NRXN3: variants seen among roughly 807,000 people sequenced by gnomAD.
NRXN3 encodes neurexin III.
In NRXN3, 32 loss-of-function variants were observed where a neutral mutation model predicts 137.6. The ratio of observed to expected loss-of-function variants is 0.23; its 90% confidence interval spans 0.18 to 0.31. The LOEUF (loss-of-function observed/expected upper bound fraction) is 0.31, where lower values mean the gene tolerates loss of function less well. NRXN3 is among the 10% of genes least tolerant of loss of function. The probability of loss-of-function intolerance (pLI) is 1.00; values close to 1 mark genes in which losing one functional copy is unlikely to be tolerated. For synonymous variants in NRXN3, 798 were observed against 784.5 expected (o/e 1.02, Z -0.29); for missense variants, 1,574 against 2,062.5 (o/e 0.76, Z 4.59).
At chr14:79,046,014 G>C (rs756244248) in intron 15 of NRXN3, among the ~76,000 whole-genome samples, 1 of 152,178 alleles carries the variant, frequency 6.6e-6, no homozygotes, top group African/African-American at 2.4e-5. Flanking sequence ...TGATGTGATT[G>C]TATGAATGTA....
chr14:78,808,929 A>G lies in NRXN3; in HGVS notation c.2249-1389A>G, dbSNP rs942244537. Among the ~76,000 whole-genome samples, 59 of 151,546 alleles carry G rather than the reference A, an allele frequency of 3.9e-4. 1 individual carries two copies. Among genetic ancestry groups the G allele is most frequent in the African/African-American group, 1.4e-3 (57 of 41,184 alleles). On this transcript the variant is annotated intron_variant, in intron 9 of 20. Transcript: ENST00000335750. ...CAGAAGAAGAGTACTTTGTGACTAT[A>G]TTTTCCCCTCTATCTTTCTTCCTTT...
chr14:78,514,277 G>T (rs1292832348), intron 4 of NRXN3, among the ~76,000 whole-genome samples: 1 of 152,098 alleles, frequency 6.6e-6, no homozygotes, highest in African/African-American at 2.4e-5. Context: ...GGAAACTAGA[G>T]AAAGAAAAAG....
chr14:79,335,908 C>T (rs2092223869), intron 15 of NRXN3, among the ~76,000 whole-genome samples: 1 of 152,042 alleles, frequency 6.6e-6, no homozygotes, highest in Non-Finnish European at 1.5e-5. Flanking sequence ...TGCCATTTAT[C>T]CCTTTTGTGC....
chr14:78,700,367 C>G (rs1055375891), intron 6 of NRXN3, among the ~76,000 whole-genome samples: 2 of 152,184 alleles, frequency 1.3e-5, no homozygotes, highest in Non-Finnish European at 2.9e-5. Context: ...TGAGAGGATT[C>G]TGAGGCTTCA....
chr14:79,147,941 G>A (rs1177190790), intron 15 of NRXN3, among the ~76,000 whole-genome samples: 1 of 152,088 alleles, frequency 6.6e-6, no homozygotes, highest in Non-Finnish European at 1.5e-5. Flanking sequence ...TAGGTGGATG[G>A]GGAGGTCTTT....
chr14:79,065,362 G>C (rs1396005434), intron 15 of NRXN3, among the ~76,000 whole-genome samples: 12 of 152,096 alleles, frequency 7.9e-5, no homozygotes. Context: ...TAAAGGCATG[G>C]AATAGACTGC....
In NRXN3 at chr14:79,162,697, C is replaced by A. The variant is rs141818448; in HGVS notation, c.3262+174556C>A. Among the ~76,000 whole-genome samples, 1,367 of 152,012 alleles carry A rather than the reference C, an allele frequency of 9.0e-3. 25 individuals carry two copies. Among genetic ancestry groups the A allele is most frequent in the African/African-American group, 0.031 (1,298 of 41,498 alleles). On this transcript the variant is annotated intron_variant, in intron 15 of 20. Coordinates refer to ENST00000335750, the MANE Select transcript of NRXN3 (RefSeq NM_001330195.2). ...TGGCAATCATTAAAAAGTCAGGAAA[C>A]AACAGGTGCTGGAGAAGATGTGGAG...
chr14:78,622,824 CA>C (rs2097419622), intron 4 of NRXN3, among the ~76,000 whole-genome samples: 1 of 152,190 alleles, frequency 6.6e-6, no homozygotes, highest in Non-Finnish European at 1.5e-5. Flanking sequence ...GTAAACTTTG[CA>C]AAGCAGAAGC....
At chr14:79,578,036 C>G (rs1394309896) in intron 16 of NRXN3, among the ~76,000 whole-genome samples, 1 of 152,186 alleles carries the variant, frequency 6.6e-6, no homozygotes, top group African/African-American at 2.4e-5. Flanking sequence ...AGTTTGAAAG[C>G]TTGCAGTCTG....
chr14:79,151,869 C>T (rs1189247531), intron 15 of NRXN3, among the ~76,000 whole-genome samples: 2 of 151,910 alleles, frequency 1.3e-5, no homozygotes, highest in East Asian at 1.9e-4. Flanking sequence ...ATTTTTAAGT[C>T]AATATACTTT....
intron 4 of NRXN3, among the ~76,000 whole-genome samples, chr14:78,625,214 AT>A: frequency 6.6e-6 from 1 of 152,322 alleles, no homozygotes; most frequent in Non-Finnish European, 1.5e-5. Flanking sequence ...TGAAGAATAC[AT>A]TTTTTTAAAA....
At chr14:78,700,147 G>T (rs923226317) in intron 6 of NRXN3, among the ~76,000 whole-genome samples, 1 of 152,194 alleles carries the variant, frequency 6.6e-6, no homozygotes. Flanking sequence ...GGCAGCAATT[G>T]TGTCTCATGG....
At chr14:78,249,190 TCTC>T (rs1004485005) in intron 2 of NRXN3, among the ~76,000 whole-genome samples, 5 of 152,152 alleles carry the variant, frequency 3.3e-5, no homozygotes, top group African/African-American at 1.2e-4. Flanking sequence ...AAAGCAGCCT[TCTC>T]CTTTTGCAGA....
chr14:79,819,895 C>T (rs1235964703), intron 20 of NRXN3, among the ~76,000 whole-genome samples: 1 of 152,034 alleles, frequency 6.6e-6, no homozygotes, highest in Non-Finnish European at 1.5e-5. Flanking sequence ...AGCTTGTACA[C>T]TACATATTTG....
chr14:79,548,704 T>C (rs973147653), intron 16 of NRXN3, among the ~76,000 whole-genome samples: 4 of 146,318 alleles, frequency 2.7e-5, no homozygotes, highest in African/African-American at 7.7e-5. Context: ...ACATCTTGAA[T>C]AGAAAATAAG....
intron 4 of NRXN3, among the ~76,000 whole-genome samples, chr14:78,551,872 C>T (rs1017123578): frequency 2.6e-5 from 4 of 152,008 alleles, no homozygotes; most frequent in Admixed American, 2.6e-4. Flanking sequence ...AAAGGCAAGT[C>T]TTTCTGTAAG....
At chr14:78,672,670 G>T (rs1343236485) in intron 6 of NRXN3, among the ~76,000 whole-genome samples, 1 of 152,164 alleles carries the variant, frequency 6.6e-6, no homozygotes, top group African/African-American at 2.4e-5. Flanking sequence ...CTTCCCTCTA[G>T]CATAACATAC....
chr14:78,547,825 A>G (rs922504297), intron 4 of NRXN3, among the ~76,000 whole-genome samples: 23 of 152,272 alleles, frequency 1.5e-4, no homozygotes, highest in African/African-American at 5.5e-4. Context: ...TATATAAATC[A>G]GTAGGAAGAG....
At chr14:78,487,514 A>G (rs2153746159) in intron 4 of NRXN3, among the ~76,000 whole-genome samples, 1 of 152,304 alleles carries the variant, frequency 6.6e-6, no homozygotes, top group East Asian at 1.9e-4. Context: ...AAGCCAAGGC[A>G]AGTGGATCAC....
Sources: allele counts gnomAD v4.1 joint callset (sites outside exome capture counted in the v4.1 genomes callset), GRCh38; gene constraint gnomAD v4.1.1; transcripts MANE v1.5; gene names NCBI Gene and HGNC (gene_info 2026-07-23, HGNC 2026-07-21).